Variants in BCL2 observed in about 807,000 individuals in gnomAD.
BCL2 encodes BCL2 apoptosis regulator.
Under a neutral mutation model 14.2 loss-of-function variants are expected in BCL2, and 1 was observed. That is an observed-to-expected ratio of 0.07 (90% CI 0.02 to 0.33). BCL2 has a LOEUF of 0.33. Among genes scored for constraint, BCL2 ranks in the 10% least tolerant of loss-of-function variants. BCL2 has a pLI of 0.99. For missense variants in BCL2, 247 were observed against 305.9 expected (o/e 0.81, Z 1.44); for synonymous variants, 151 against 137.2 (o/e 1.10, Z -0.70).
chr18:63,275,382 T>C (rs1291572054), intron 2 of BCL2, among the ~76,000 whole-genome samples: 1 of 152,124 alleles, frequency 6.6e-6, no homozygotes, highest in Non-Finnish European at 1.5e-5. Flanking sequence ...CCACCTTCAC[T>C]CAACAACAGC....
At chr18:63,316,976 A>C (rs1292510749) in intron 2 of BCL2, 1 of 152,080 alleles carries the variant, frequency 6.6e-6, no homozygotes, top group East Asian at 1.9e-4. Flanking sequence ...CTTTTTCATA[A>C]ATTCATCATT....
At chr18:63,301,793 A>T (rs553239684) in intron 2 of BCL2, among the ~76,000 whole-genome samples, 9 of 152,206 alleles carry the variant, frequency 5.9e-5, no homozygotes, top group Non-Finnish European at 1.3e-4. Context: ...GCGCCTGTCC[A>T]CGGCACAGAA....
Position 63,179,665 on chromosome 18 carries a change from C to A in BCL2, c.586-50906G>T, listed in dbSNP as rs548795120. Among the ~76,000 whole-genome samples, 8 of 152,286 alleles carry A rather than the reference C, an allele frequency of 5.3e-5. No individual in the cohort carries two copies. The South Asian group carries it at 1.0e-3, about 20-fold the overall frequency. On this transcript the variant is annotated intron_variant, in intron 2 of 2. Transcript: ENST00000333681. ...AGGGAGCATATCTCAGCAAAGGACTCAGTCTTTACCCAGCCTGAATCTTAC... is the reference window on the plus strand; with the variant it reads ...AGGGAGCATATCTCAGCAAAGGACTAAGTCTTTACCCAGCCTGAATCTTAC...
chr18:63,235,452 T>C (rs1910801573), intron 2 of BCL2, among the ~76,000 whole-genome samples: 2 of 152,220 alleles, frequency 1.3e-5, no homozygotes, highest in Admixed American at 6.5e-5. Flanking sequence ...GGAAAATGTA[T>C]AGAGGTCCAT....
At chr18:63,243,499 A>G (rs1302226234) in intron 2 of BCL2, among the ~76,000 whole-genome samples, 1 of 152,242 alleles carries the variant, frequency 6.6e-6, no homozygotes, top group Non-Finnish European at 1.5e-5. Context: ...CTGCACATGT[A>G]CCGCTGAACT....
chr18:63,232,041 G>C (rs1599259254), intron 2 of BCL2, among the ~76,000 whole-genome samples: 2 of 151,898 alleles, frequency 1.3e-5, no homozygotes, highest in East Asian at 3.9e-4. Context: ...GTATGTGACA[G>C]AGATAGCATT....
rs1375881636 is a variant in BCL2 at position 63,127,629 on chromosome 18, T to A, written c.*996A>T. 4.3e-6 allele frequency: 1 copy of A among 230,844 alleles called. No individual in the cohort carries two copies. The highest frequency in any genetic ancestry group is 2.2e-5 in the African/African-American group (1 of 45,218). The allele number at this position is 230,844 out of a possible 1,614,324, so 14.3% of individuals were successfully genotyped here. Reference sequence around the variant, plus strand: ...CAGTTCCAGGACCAGGCCTCCAAGCTGGGACACAGGCAGGTTCTGCGGACT... The same window carrying A: ...CAGTTCCAGGACCAGGCCTCCAAGCAGGGACACAGGCAGGTTCTGCGGACT... On this transcript the variant is annotated 3_prime_UTR_variant, in exon 3 of 3. Transcript: ENST00000333681.
At position 63,275,552 on chromosome 18, in the gene BCL2, C is replaced by G. The variant is rs563624524; in HGVS notation, c.585+42530G>C. ...TCTTGAGCACATTTTGAGAGTGCCCCGAGTGTCACGAATAATGAGCTTCAT... is the reference window on the plus strand; with the variant it reads ...TCTTGAGCACATTTTGAGAGTGCCCGGAGTGTCACGAATAATGAGCTTCAT... On this transcript the variant is annotated intron_variant, in intron 2 of 2. Coordinates refer to ENST00000333681, the MANE Select transcript of BCL2 (RefSeq NM_000633.3). Among the ~76,000 whole-genome samples, 3 of 152,088 alleles carry G rather than the reference C, an allele frequency of 2.0e-5. No homozygotes were observed. The East Asian group carries it at 5.8e-4, about 29-fold the overall frequency.
chr18:63,307,616 G>A (rs1325062345), intron 2 of BCL2, among the ~76,000 whole-genome samples: 1 of 152,144 alleles, frequency 6.6e-6, no homozygotes, highest in Non-Finnish European at 1.5e-5. Flanking sequence ...TCACAGATAC[G>A]GACAAGCTCA....
At chr18:63,255,852 T>C (rs373998129) in intron 2 of BCL2, among the ~76,000 whole-genome samples, 1 of 151,554 alleles carries the variant, frequency 6.6e-6, no homozygotes, top group Non-Finnish European at 1.5e-5. Context: ...CACACAAACA[T>C]TTCTTACCAA....
intron 2 of BCL2, among the ~76,000 whole-genome samples, chr18:63,157,385 G>A (rs961586805): frequency 6.6e-6 from 1 of 152,192 alleles, no homozygotes; most frequent in African/African-American, 2.4e-5. Flanking sequence ...ATCCTCAGAG[G>A]ATGCATCACT....
At chr18:63,317,389 G>T in intron 2 of BCL2, 3 of 246,756 alleles carry the variant, frequency 1.2e-5, no homozygotes, top group Non-Finnish European at 1.9e-5. Flanking sequence ...AGGTAGCAAA[G>T]CCATAGCCTG....
At chr18:63,298,025 C>T (rs1182751575) in intron 2 of BCL2, among the ~76,000 whole-genome samples, 1 of 152,210 alleles carries the variant, frequency 6.6e-6, no homozygotes, top group Non-Finnish European at 1.5e-5. Context: ...GGCCGGCACT[C>T]TCTCTCTGTG....
intron 2 of BCL2, among the ~76,000 whole-genome samples, chr18:63,223,113 A>G (rs571056299): frequency 2.6e-5 from 4 of 152,200 alleles, no homozygotes; most frequent in Non-Finnish European, 5.9e-5. Flanking sequence ...TAAAATAAGA[A>G]GAACAGGGCA....
intron 2 of BCL2, chr18:63,314,401 G>T (rs1426012887): frequency 6.6e-6 from 1 of 152,182 alleles, no homozygotes; most frequent in East Asian, 1.9e-4. Context: ...AAAACTGCTT[G>T]CTGACTAATG....
At chr18:63,220,698 A>G (rs533272949) in intron 2 of BCL2, among the ~76,000 whole-genome samples, 10 of 152,330 alleles carry the variant, frequency 6.6e-5, no homozygotes, top group African/African-American at 2.4e-4. Flanking sequence ...ATATGGTGCT[A>G]ATGACATGGT....
rs1372684663 is a variant in BCL2, at chr18:63,198,950, GAC to G, written c.586-70193_586-70192del. 7.2e-3 allele frequency among the ~76,000 whole-genome samples: 545 copies of G among 75,856 alleles called. 2 individuals are homozygous for G. The highest frequency in any genetic ancestry group is 0.027 in the African/African-American group (517 of 19,488). The allele number at this position is 75,856 out of a possible 152,430, so 49.8% of individuals were successfully genotyped here. The stretch of plus-strand genomic sequence containing the variant: ...ACACAGAGACACACACTGACACAGA[GAC>G]ACACACAGACACACACTGACACACA... On this transcript the variant is annotated intron_variant, in intron 2 of 2. Coordinates refer to ENST00000333681, the MANE Select transcript of BCL2 (RefSeq NM_000633.3).
intron 2 of BCL2, among the ~76,000 whole-genome samples, chr18:63,225,052 AAGG>A (rs1308932941): frequency 6.6e-6 from 1 of 152,096 alleles, no homozygotes; most frequent in Non-Finnish European, 1.5e-5. Context: ...CCAAGAAAAG[AAGG>A]AGAACTGACA....
chr18:63,256,687 G>A (rs1042349153), intron 2 of BCL2, among the ~76,000 whole-genome samples: 2 of 152,032 alleles, frequency 1.3e-5, no homozygotes, highest in Non-Finnish European at 2.9e-5. Flanking sequence ...AGGGGCATGT[G>A]GCAAGGGGTA....
Sources: allele counts gnomAD v4.1 joint callset (sites outside exome capture counted in the v4.1 genomes callset), GRCh38; gene constraint gnomAD v4.1.1; transcripts MANE v1.5; gene names NCBI Gene and HGNC (gene_info 2026-07-23, HGNC 2026-07-21).